The following TMEM132B variants were observed in gnomAD, a reference collection of about 807,000 sequenced individuals.
TMEM132B encodes the protein transmembrane protein 132B.
TMEM132B carries 18 observed loss-of-function variants against 90.8 expected under a neutral mutation model. The observed-to-expected ratio is 0.20, with a 90% CI of 0.14 to 0.29. The LOEUF (loss-of-function observed/expected upper bound fraction) is 0.29, where lower values mean the gene tolerates loss of function less well. Ranked by LOEUF, TMEM132B falls within the 10% of genes least tolerant of loss-of-function variation. TMEM132B has a pLI of 1.00. For synonymous variants in TMEM132B, 504 were observed against 523.3 expected (o/e 0.96, Z 0.50); for missense variants, 1,096 against 1,326.8 (o/e 0.83, Z 2.70).
At chr12:125,188,589 C>T (rs1957774462) in intron 1 of TMEM132B, among the ~76,000 whole-genome samples, 1 of 140,258 alleles carries the variant, frequency 7.1e-6, no homozygotes, top group Admixed American at 7.2e-5. Context: ...GAGCCTGTGC[C>T]TGGCTCTGGA....
intron 4 of TMEM132B, among the ~76,000 whole-genome samples, chr12:125,582,462 C>T (rs1885075558): frequency 6.6e-6 from 1 of 152,108 alleles, no homozygotes; most frequent in Non-Finnish European, 1.5e-5. Flanking sequence ...CTCACTGATA[C>T]AGTCTGGGAG....
chr12:125,603,429 A>T (rs1025897246), intron 5 of TMEM132B, among the ~76,000 whole-genome samples: 1 of 152,242 alleles, frequency 6.6e-6, no homozygotes, highest in African/African-American at 2.4e-5. Context: ...TCCCTTCCTT[A>T]CACCTTATAC....
At chr12:125,547,357 C>G (rs2136748160) in intron 4 of TMEM132B, among the ~76,000 whole-genome samples, 1 of 117,502 alleles carries the variant, frequency 8.5e-6, no homozygotes, top group African/African-American at 3.5e-5. Flanking sequence ...TAAAAGTAAT[C>G]TTGTGATTTT....
intron 1 of TMEM132B, among the ~76,000 whole-genome samples, chr12:125,232,769 G>A (rs1028011325): frequency 6.6e-6 from 1 of 152,210 alleles, no homozygotes; most frequent in Non-Finnish European, 1.5e-5. Flanking sequence ...AATTAATTGA[G>A]GTGTTCAGTG....
chr12:125,446,052 G>A (rs1056254376), intron 3 of TMEM132B, among the ~76,000 whole-genome samples: 6 of 152,330 alleles, frequency 3.9e-5, no homozygotes, highest in Non-Finnish European at 7.4e-5. Context: ...CCAGGCCCCC[G>A]CCAAGTTGTT....
intron 3 of TMEM132B, among the ~76,000 whole-genome samples, chr12:125,494,867 C>T: frequency 8.2e-6 from 1 of 121,834 alleles, no homozygotes; most frequent in Non-Finnish European, 1.7e-5. Flanking sequence ...CACGCCCCTC[C>T]TCCCCCTCCT....
intron 3 of TMEM132B, among the ~76,000 whole-genome samples, chr12:125,480,835 A>G (rs941052067): frequency 6.6e-6 from 1 of 152,242 alleles, no homozygotes; most frequent in Non-Finnish European, 1.5e-5. Context: ...AATATCCCTG[A>G]TGAACATCAA....
chr12:125,421,253 G>T (rs553180645), intron 3 of TMEM132B, among the ~76,000 whole-genome samples: 1 of 152,268 alleles, frequency 6.6e-6, no homozygotes, highest in African/African-American at 2.4e-5. Flanking sequence ...TACTGTATTA[G>T]TCTCTTCTCA....
At chr12:125,444,666 C>T (rs930207313) in intron 3 of TMEM132B, among the ~76,000 whole-genome samples, 5 of 152,112 alleles carry the variant, frequency 3.3e-5, no homozygotes, top group African/African-American at 7.2e-5. Flanking sequence ...TTGAGATGGT[C>T]GGTTTTATGT....
At chr12:125,194,189 T>C (rs1244414960) in intron 1 of TMEM132B, among the ~76,000 whole-genome samples, 1 of 150,724 alleles carries the variant, frequency 6.6e-6, no homozygotes, top group African/African-American at 2.4e-5. Flanking sequence ...ATCAATACAG[T>C]CCAATTTGAT....
chr12:125,299,284 C>G (rs1309593662), intron 1 of TMEM132B, among the ~76,000 whole-genome samples: 1 of 152,198 alleles, frequency 6.6e-6, no homozygotes, highest in Admixed American at 6.5e-5. Context: ...TCCTTTCTCC[C>G]TCCCTCCTGG....
intron 2 of TMEM132B, among the ~76,000 whole-genome samples, chr12:125,390,180 C>T (rs1271819831): frequency 6.6e-6 from 1 of 152,220 alleles, no homozygotes; most frequent in Admixed American, 6.5e-5. Context: ...CCAAAAGACA[C>T]ACACAAGAAT....
chr12:125,537,052 G>A (rs1372369427), intron 4 of TMEM132B, among the ~76,000 whole-genome samples: 1 of 152,074 alleles, frequency 6.6e-6, no homozygotes, highest in Non-Finnish European at 1.5e-5. Flanking sequence ...TCTAATTAAT[G>A]GGATATATGT....
At chr12:125,489,028 T>C (rs1013831841) in intron 3 of TMEM132B, among the ~76,000 whole-genome samples, 2 of 152,260 alleles carry the variant, frequency 1.3e-5, no homozygotes, top group Non-Finnish European at 2.9e-5. Context: ...TTTATACCAA[T>C]CAGCATTTTG....
rs746736412 is a variant in TMEM132B at position 125,350,237 on chromosome 12, G to A, written c.853G>A (p.Glu285Lys). The A allele has an allele frequency of 9.3e-6, 15 of 1,613,996 alleles. No individual in the cohort carries two copies. The highest frequency in any genetic ancestry group is 1.3e-5 in the Non-Finnish European group (15 of 1,180,040). The stretch of plus-strand genomic sequence containing the variant: ...GAAGTGGTCCCTGGTGAGCTTGGAC[G>A]AGAATGTGGTCATCTCGGTACCTCT... ...DLKWSLVSLDENVVISVPLNL... is the reference protein window; with the variant it reads ...DLKWSLVSLDKNVVISVPLNL... Residue 285 changes from glutamate (E) to lysine (K), a missense_variant, in exon 2 of 9, where the codon GAG becomes AAG. Transcript: ENST00000682704.
At chr12:125,232,234 GCCTTT>G in intron 1 of TMEM132B, among the ~76,000 whole-genome samples, 1 of 151,974 alleles carries the variant, frequency 6.6e-6, no homozygotes, top group East Asian at 1.9e-4. Context: ...GAACATCTTT[GCCTTT>G]CCTTTGTGTT....
chr12:125,617,291 T>A (rs1324552496), intron 5 of TMEM132B, among the ~76,000 whole-genome samples: 1 of 152,062 alleles, frequency 6.6e-6, no homozygotes, highest in Non-Finnish European at 1.5e-5. Context: ...TCCTTGGGCA[T>A]GCTGATAGTC....
chr12:125,281,989 T>C (rs954575769), intron 1 of TMEM132B, among the ~76,000 whole-genome samples: 51 of 126,186 alleles, frequency 4.0e-4, no homozygotes, highest in East Asian at 7.0e-4. Flanking sequence ...GATTGCGCCA[T>C]TGCACTCCAG....
chr12:125,374,589 G>A (rs377450114), intron 2 of TMEM132B, among the ~76,000 whole-genome samples: 1 of 152,068 alleles, frequency 6.6e-6, no homozygotes. Flanking sequence ...TTTCAGCCAA[G>A]TCTTCCTAAT....
Sources: gnomAD v4.1 joint callset for allele counts (sites outside exome capture counted in the v4.1 genomes callset) on GRCh38, gnomAD v4.1.1 for gene constraint, MANE v1.5 for transcripts, NCBI Gene and HGNC (gene_info 2026-07-23, HGNC 2026-07-21) for gene names.